Variants in UMAD1 observed in about 807,000 individuals in gnomAD.
UMAD1 encodes the protein UBAP1-MVB12-associated (UMA) domain containing 1, also known as UBAP1-MVB12-associated (UMA)-domain containing protein 1.
In UMAD1, 8 loss-of-function variants were observed where a neutral mutation model predicts 6.1. The observed-to-expected ratio is 1.30, with a 90% CI of 0.76 to 2.35. UMAD1 has a LOEUF of 2.35. UMAD1 is among the 30% of genes most tolerant of loss of function. UMAD1 has a pLI of 0.00. For synonymous variants in UMAD1, 56 were observed against 31.4 expected (o/e 1.78, Z -2.61); for missense variants, 130 against 78.4 (o/e 1.66, Z -2.49).
At chr7:7,734,475 C>G (rs1448669818) in intron 2 of UMAD1, among the ~76,000 whole-genome samples, 1 of 151,958 alleles carries the variant, frequency 6.6e-6, no homozygotes, top group African/African-American at 2.4e-5. Flanking sequence ...TTTAATTAAG[C>G]TGTATTTTGG....
intron 2 of UMAD1, among the ~76,000 whole-genome samples, chr7:7,682,748 A>C (rs1472076106): frequency 1.3e-5 from 2 of 152,244 alleles, no homozygotes; most frequent in African/African-American, 4.8e-5. Flanking sequence ...GTATCGGGAT[A>C]TCCAGAAAAA....
chr7:7,870,768 A>G (rs1042023795), intron 3 of UMAD1, among the ~76,000 whole-genome samples: 4 of 152,064 alleles, frequency 2.6e-5, no homozygotes, highest in African/African-American at 7.2e-5. Flanking sequence ...GCATCATGGC[A>G]CTCACCCTGC....
At chr7:7,827,135 ATATATATATATATGTGTGTGTGTG>A (rs1297027969) in intron 3 of UMAD1, among the ~76,000 whole-genome samples, 2 of 114,512 alleles carry the variant, frequency 1.7e-5, no homozygotes, top group Non-Finnish European at 3.7e-5. Context: ...ATATATATAT[ATATATATATATATGTGTGTGTGTG>A]TGTGTGTGTG....
chr7:7,742,321 G>A, intron 2 of UMAD1: 1 of 623,914 alleles, frequency 1.6e-6, no homozygotes, highest in South Asian at 1.4e-5. Context: ...GCGGAAATTT[G>A]ATAGTGTAGT....
At chr7:7,713,204 C>A (rs1780810707) in intron 2 of UMAD1, among the ~76,000 whole-genome samples, 1 of 151,890 alleles carries the variant, frequency 6.6e-6, no homozygotes, top group South Asian at 2.1e-4. Flanking sequence ...ATTAGCTGGG[C>A]ATGGTGGCGT....
chr7:7,654,120 A>G (rs1163631806), intron 1 of UMAD1, among the ~76,000 whole-genome samples: 1 of 152,244 alleles, frequency 6.6e-6, no homozygotes, highest in South Asian at 2.1e-4. Flanking sequence ...TCTGAAAACC[A>G]TAGGACCATA....
intron 2 of UMAD1, among the ~76,000 whole-genome samples, chr7:7,760,141 T>A (rs1283042406): frequency 6.6e-6 from 1 of 152,142 alleles, no homozygotes; most frequent in Admixed American, 6.5e-5. Context: ...GAGGCCATCA[T>A]GCTGTAGAGG....
chr7:7,702,738 G>A (rs981578080), intron 2 of UMAD1, among the ~76,000 whole-genome samples: 1 of 152,192 alleles, frequency 6.6e-6, no homozygotes, highest in South Asian at 2.1e-4. Context: ...AATGTGCTCC[G>A]GTGAGTAAAA....
At chr7:7,846,724 C>T (rs1333299272) in intron 3 of UMAD1, among the ~76,000 whole-genome samples, 1 of 151,792 alleles carries the variant, frequency 6.6e-6, no homozygotes, top group African/African-American at 2.4e-5. Flanking sequence ...ATAACTCTTC[C>T]AGAATTTCAA....
chr7:7,648,400 C>A (rs758025969), intron 1 of UMAD1, among the ~76,000 whole-genome samples: 1 of 152,070 alleles, frequency 6.6e-6, no homozygotes, highest in Non-Finnish European at 1.5e-5. Flanking sequence ...TTCTTATGTT[C>A]CAGGTGTGTC....
At chr7:7,842,376 T>C (rs1783698759) in intron 3 of UMAD1, among the ~76,000 whole-genome samples, 1 of 152,178 alleles carries the variant, frequency 6.6e-6, no homozygotes, top group Admixed American at 6.5e-5. Flanking sequence ...ATCCAAAACG[T>C]GGACCTTATT....
chr7:7,849,855 G>A (rs1237857573), intron 3 of UMAD1, among the ~76,000 whole-genome samples: 1 of 152,132 alleles, frequency 6.6e-6, no homozygotes, highest in Non-Finnish European at 1.5e-5. Context: ...AGGCCTCTCT[G>A]AGTGGTTTTA....
At chr7:7,708,382 T>G (rs908365246) in intron 2 of UMAD1, among the ~76,000 whole-genome samples, 5 of 152,212 alleles carry the variant, frequency 3.3e-5, no homozygotes, top group African/African-American at 1.2e-4. Flanking sequence ...TGTAGAGAGA[T>G]ATATATTATA....
chr7:7,728,001 C>T (rs1781173702), intron 2 of UMAD1, among the ~76,000 whole-genome samples: 1 of 151,898 alleles, frequency 6.6e-6, no homozygotes, highest in Non-Finnish European at 1.5e-5. Flanking sequence ...AGTTTTGTCC[C>T]TCTAGAGAAC....
At chr7:7,770,003 C>T (rs959235416) in intron 2 of UMAD1, among the ~76,000 whole-genome samples, 1 of 152,118 alleles carries the variant, frequency 6.6e-6, no homozygotes, top group Non-Finnish European at 1.5e-5. Flanking sequence ...CTCAGGATGA[C>T]TTTTCTTTCC....
intron 1 of UMAD1, among the ~76,000 whole-genome samples, chr7:7,662,266 T>C (rs1297931811): frequency 6.6e-6 from 1 of 152,168 alleles, no homozygotes; most frequent in Non-Finnish European, 1.5e-5. Flanking sequence ...TGGGATCCAC[T>C]GAGCTAGACC....
intron 2 of UMAD1, among the ~76,000 whole-genome samples, chr7:7,782,039 A>G (rs1437707543): frequency 6.6e-6 from 1 of 152,118 alleles, no homozygotes; most frequent in Non-Finnish European, 1.5e-5. Context: ...AAAATAATCT[A>G]TCATTACGTT....
intron 3 of UMAD1, among the ~76,000 whole-genome samples, chr7:7,836,448 A>G (rs1227181919): frequency 6.6e-6 from 1 of 151,962 alleles, no homozygotes; most frequent in African/African-American, 2.4e-5. Context: ...GTTTCATGCT[A>G]TAATTTATTT....
intron 3 of UMAD1, among the ~76,000 whole-genome samples, chr7:7,869,498 A>G (rs903777391): frequency 6.6e-6 from 1 of 152,074 alleles, no homozygotes; most frequent in African/African-American, 2.4e-5. Flanking sequence ...ACCTGGTTTC[A>G]TGTTCTTTTA....
Sources: gnomAD v4.1 joint callset for allele counts (sites outside exome capture counted in the v4.1 genomes callset) on GRCh38, gnomAD v4.1.1 for gene constraint, MANE v1.5 for transcripts, NCBI Gene and HGNC (gene_info 2026-07-23, HGNC 2026-07-21) for gene names.